The following KIF15 variants were observed in gnomAD, a reference collection of about 807,000 sequenced individuals.
KIF15 encodes kinesin-like protein KIF15.
KIF15 carries 140 observed loss-of-function variants against 190.6 expected under a neutral mutation model. The observed-to-expected ratio is 0.73, with a 90% CI of 0.64 to 0.84. The LOEUF is 0.84. Ranked by LOEUF, KIF15 falls within the 40% of genes least tolerant of loss-of-function variation. KIF15 has a pLI of 0.00. For missense variants in KIF15, 1,372 were observed against 1,584.4 expected (o/e 0.87, Z 2.28); for synonymous variants, 528 against 551.3 (o/e 0.96, Z 0.59).
chr3:44,826,141 C>T lies in KIF15; in HGVS notation c.2652C>T (p.Asn884=). ...MKFEIDQLSR[N]LQNFKKENET... ...TTGAGATTGACCAACTTTCAAGAAA[C>T]CTCCAAAACTTCAAAAAAGAAAATG... is the stretch of plus-strand genomic sequence containing the variant. Residue 884 remains asparagine (N), a synonymous_variant, in exon 21 of 35, where the codon AAC becomes AAT. Transcript: ENST00000326047. 1 of 1,579,480 alleles carries T rather than the reference C, an allele frequency of 6.3e-7. No individual in the cohort carries two copies. The highest frequency in any genetic ancestry group is 8.5e-7 in the Non-Finnish European group (1 of 1,171,112).
At chr3:44,865,030 T>C (rs1699305826) in intron 6 of KIF15, 1 of 1,613,952 alleles carries the variant, frequency 6.2e-7, no homozygotes, top group East Asian at 2.2e-5. Context: ...CAGCTATCTT[T>C]GTCTCGCAGG....
At chr3:44,810,468 A>G (rs1045851346) in intron 16 of KIF15, among the ~76,000 whole-genome samples, 2 of 151,924 alleles carry the variant, frequency 1.3e-5, no homozygotes, top group African/African-American at 4.8e-5. Context: ...TATGTTGCCC[A>G]GCCTGGTCTT....
chr3:44,761,974 T>A, intron 1 of KIF15, 90 bp downstream of exon 1: 1 of 1,536,696 alleles, frequency 6.5e-7, no homozygotes, highest in Non-Finnish European at 9.0e-7. Flanking sequence ...CGCAAGGTTC[T>A]TGCTAGGCAT....
chr3:44,827,487 C>T lies in KIF15; in HGVS notation c.2815C>T (p.Arg939Cys), dbSNP rs1697731271. Reference protein sequence around the residue: ...KEILKVLEAVRQEKQKETAKC... With the variant: ...KEILKVLEAVCQEKQKETAKC... ...AATCTTAAAAGTTCTTGAGGCTGTACGTCAGGAGAAACAGAAAGAGACGGC... is the reference window on the plus strand; with the variant it reads ...AATCTTAAAAGTTCTTGAGGCTGTATGTCAGGAGAAACAGAAAGAGACGGC... The change falls in exon 23 of 35, where the codon CGT becomes TGT. Residue 939 changes from arginine (R) to cysteine (C), a missense_variant. Physicochemically the swap from Arg to Cys is radical, Grantham distance 180. Coordinates refer to ENST00000326047, the MANE Select transcript of KIF15 (RefSeq NM_020242.3). 7 of 1,611,828 alleles carry T rather than the reference C, an allele frequency of 4.3e-6. No homozygotes were observed. Among genetic ancestry groups the T allele is most frequent in the African/African-American group, 1.3e-5 (1 of 74,824 alleles).
In KIF15 at chr3:44,805,801, C is replaced by T. The variant is rs1211231521; in HGVS notation, c.1830-44C>T. 3 of 1,549,200 alleles carry T rather than the reference C, an allele frequency of 1.9e-6. No individual in the cohort carries two copies. In the East Asian group the frequency reaches 6.7e-5, roughly 35 times the overall value. The stretch of plus-strand genomic sequence containing the variant: ...TGTAAAGTATTCTATAAATGTTTGA[C>T]ATTACTTATTACCTGAAATACTCCG... On this transcript the variant is annotated intron_variant, in intron 15 of 34. Coordinates refer to ENST00000326047, the MANE Select transcript of KIF15 (RefSeq NM_020242.3).
chr3:44,783,185 C>T (rs1297592551), intron 5 of KIF15, among the ~76,000 whole-genome samples: 5 of 152,052 alleles, frequency 3.3e-5, no homozygotes, highest in Non-Finnish European at 7.4e-5. Context: ...ATACCTGAGG[C>T]TGGGTAATTT....
intron 26 of KIF15, among the ~76,000 whole-genome samples, chr3:44,836,787 A>T (rs1247678228): frequency 6.6e-6 from 1 of 152,248 alleles, no homozygotes; most frequent in Non-Finnish European, 1.5e-5. Context: ...TGCCATAGCC[A>T]AGATAGGAGA....
chr3:44,805,753 TA>T, intron 15 of KIF15, 91 bp from the exon 16 acceptor site: 1 of 1,156,542 alleles, frequency 8.6e-7, no homozygotes, highest in Non-Finnish European at 1.2e-6. Context: ...GAGATAACTA[TA>T]AAGTTATGTG....
At chr3:44,862,815 A>G (rs1341437002) in intron 6 of KIF15, 1 of 152,012 alleles carries the variant, frequency 6.6e-6, no homozygotes, top group Non-Finnish European at 1.5e-5. Flanking sequence ...TGACCTGGAC[A>G]GTGGTCACTG....
rs1707339241 is a variant in KIF15, at chr3:44,802,817, G to A, written c.1513G>A (p.Glu505Lys). Reference protein sequence around the residue: ...NEIQTLREQIEHHPRVAKYAM... With the variant: ...NEIQTLREQIKHHPRVAKYAM... ...GTGTAATTCTTCTATGTCACAGATA[G>A]AGCACCACCCCAGAGTTGCAAAGTA... The change falls in exon 14 of 35, where the codon GAG becomes AAG. Residue 505 changes from glutamate to lysine, a missense_variant. Transcript: ENST00000326047. 2 of 1,566,312 alleles carry A rather than the reference G, an allele frequency of 1.3e-6. No individual in the cohort carries two copies. Among genetic ancestry groups the A allele is most frequent in the Non-Finnish European group, 1.7e-6 (2 of 1,163,938 alleles).
chr3:44,813,260 G>A, intron 19 of KIF15, 80 bp downstream of exon 19: 1 of 802,410 alleles, frequency 1.2e-6, no homozygotes, highest in Non-Finnish European at 1.9e-6. Flanking sequence ...AATAAATGCT[G>A]TTCCTATGTT....
chr3:44,794,205 C>A lies in KIF15; in HGVS notation c.640-12C>A, dbSNP rs1706858331. ...CCTCTCATTTCTTTTAATATGTTTT[C>A]CTTTTGCATAGGTGTTGTCTGGAGG... On this transcript the variant is annotated splice_polypyrimidine_tract_variant and intron_variant, in intron 7 of 34. Coordinates refer to ENST00000326047, the MANE Select transcript of KIF15 (RefSeq NM_020242.3). 1 of 1,603,978 alleles carries A rather than the reference C, an allele frequency of 6.2e-7. No homozygotes were observed. The highest frequency in any genetic ancestry group is 8.5e-7 in the Non-Finnish European group (1 of 1,173,868).
At chr3:44,845,515 C>CT (rs893992369) in intron 30 of KIF15, among the ~76,000 whole-genome samples, 10 of 150,710 alleles carry the variant, frequency 6.6e-5, no homozygotes, top group African/African-American at 2.5e-4. Context: ...ACTCTGGCAC[C>CT]TAAAAAAAAA....
At chr3:44,803,402 A>G (rs2125641884) in intron 14 of KIF15, among the ~76,000 whole-genome samples, 1 of 152,340 alleles carries the variant, frequency 6.6e-6, no homozygotes, top group East Asian at 1.9e-4. Flanking sequence ...GAAAGGTCAG[A>G]CTCATAGCAC....
At chr3:44,834,709 G>A (rs1396380501) in intron 26 of KIF15, among the ~76,000 whole-genome samples, 1 of 151,844 alleles carries the variant, frequency 6.6e-6, no homozygotes, top group African/African-American at 2.4e-5. Flanking sequence ...TGGATCACAA[G>A]GTCAGGAGAT....
Position 44,826,020 on chromosome 3 carries a change from A to T in KIF15, c.2550-19A>T, listed in dbSNP as rs1697618675. 1 of 1,565,946 alleles carries T rather than the reference A, an allele frequency of 6.4e-7. No homozygotes were observed. The highest frequency in any genetic ancestry group is 1.4e-5 in the African/African-American group (1 of 72,030). ...ATTAAATGTTTATTTACCATTTTTA[A>T]AATGTTTTCCTTATAAAGGTTAGAA... On this transcript the variant is annotated intron_variant, in intron 20 of 34. Coordinates refer to ENST00000326047, the MANE Select transcript of KIF15 (RefSeq NM_020242.3).
At chr3:44,794,116 A>G (rs1706854908) in intron 7 of KIF15, 101 bp from the exon 8 acceptor site, 2 of 899,562 alleles carry the variant, frequency 2.2e-6, no homozygotes, top group South Asian at 3.2e-5. Flanking sequence ...CCTATCCACA[A>G]GTGATCCTCC....
intron 7 of KIF15, among the ~76,000 whole-genome samples, chr3:44,793,673 T>G (rs1371866208): frequency 6.6e-6 from 1 of 152,194 alleles, no homozygotes. Flanking sequence ...TAATTTATCT[T>G]ATAAAGCTAG....
chr3:44,774,560 A>T, intron 2 of KIF15, 123 bp downstream of exon 2: 1 of 791,712 alleles, frequency 1.3e-6, no homozygotes, highest in Non-Finnish European at 2.0e-6. Context: ...AACCAGCTGG[A>T]AATGTGGGAA....
Sources: allele counts gnomAD v4.1 joint callset (sites outside exome capture counted in the v4.1 genomes callset), GRCh38; gene constraint gnomAD v4.1.1; transcripts MANE v1.5; gene names NCBI Gene and HGNC (gene_info 2026-07-23, HGNC 2026-07-21).